The following SPATA6 variants were observed in gnomAD, a reference collection of about 807,000 sequenced individuals.
SPATA6 encodes spermatogenesis-associated protein 6.
Under a neutral mutation model 65.3 loss-of-function variants are expected in SPATA6, and 56 were observed. The observed-to-expected ratio is 0.86, with a 90% CI of 0.69 to 1.07. SPATA6 has a LOEUF of 1.07. Ranked by LOEUF, SPATA6 falls within the 50% of genes least tolerant of loss-of-function variation. The probability of loss-of-function intolerance (pLI) is 0.00; values close to 1 mark genes in which losing one functional copy is unlikely to be tolerated. For missense variants in SPATA6, 590 were observed against 594.8 expected, an observed-to-expected ratio of 0.99 and a Z score of 0.08; for synonymous variants, 199 against 213.2, an observed-to-expected ratio of 0.93 and a Z score of 0.58.
chr1:48,320,533 T>A (rs754662918), intron 11 of SPATA6, among the ~76,000 whole-genome samples: 44 of 152,106 alleles, frequency 2.9e-4, no homozygotes, highest in Admixed American at 1.3e-4. Context: ...TTTCAAACAT[T>A]AAGGAGAAAT....
chr1:48,300,706 T>C (rs191090944), intron 12 of SPATA6, among the ~76,000 whole-genome samples: 30 of 152,174 alleles, frequency 2.0e-4, no homozygotes, highest in Non-Finnish European at 2.8e-4. Flanking sequence ...AAAAAGATCA[T>C]TCACCATGAT....
At chr1:48,319,005 C>G (rs902773780) in intron 11 of SPATA6, among the ~76,000 whole-genome samples, 1 of 152,048 alleles carries the variant, frequency 6.6e-6, no homozygotes, top group African/African-American at 2.4e-5. Context: ...GATGCCAAGA[C>G]AATTCAATGG....
intron 9 of SPATA6, among the ~76,000 whole-genome samples, chr1:48,369,836 G>A (rs967963410): frequency 6.6e-6 from 1 of 152,214 alleles, no homozygotes; most frequent in South Asian, 2.1e-4. Context: ...CGGTACCTCA[G>A]ATGGAAATGC....
chr1:48,400,470 A>C (rs898746993), intron 6 of SPATA6, among the ~76,000 whole-genome samples: 2 of 152,010 alleles, frequency 1.3e-5, no homozygotes, highest in Non-Finnish European at 2.9e-5. Context: ...AAGTAATATA[A>C]TATTTCTTCC....
In SPATA6 at chr1:48,407,916, T is replaced by C. The variant is rs189588584; in HGVS notation, c.405+3548A>G. ...TTGAGTTTATATTACCACATTGGTA[T>C]AATACAGAATTTTAAATTACATTAA... is the stretch of plus-strand genomic sequence containing the variant. On this transcript the variant is annotated intron_variant, in intron 5 of 12. Transcript: ENST00000371847. Among the ~76,000 whole-genome samples, 178 of 152,332 alleles carry C rather than the reference T, an allele frequency of 1.2e-3. 2 individuals are homozygous for C. Among genetic ancestry groups the C allele is most frequent in the Admixed American group, 0.011 (173 of 15,300 alleles).
At chr1:48,458,768 G>T (rs1453300329) in intron 1 of SPATA6, among the ~76,000 whole-genome samples, 1 of 152,154 alleles carries the variant, frequency 6.6e-6, no homozygotes, top group African/African-American at 2.4e-5. Context: ...TTAGATCCAG[G>T]GGCTGGTGGG....
Position 48,469,996 on chromosome 1 carries a change from A to G in SPATA6, c.51+1962T>C, listed in dbSNP as rs1307316433. On this transcript the variant is annotated intron_variant, in intron 1 of 12. Transcript: ENST00000371847. The stretch of plus-strand genomic sequence containing the variant: ...TGGCTGTAAAAAGGGATTGAATCCA[A>G]TGATTTCCATCTAAGATGTCTCGGA... Among the ~76,000 whole-genome samples, 3 of 152,210 alleles carry G rather than the reference A, an allele frequency of 2.0e-5. No homozygotes were observed. In the East Asian group the frequency reaches 5.8e-4, roughly 29 times the overall value.
the SPATA6 span, among the ~76,000 whole-genome samples, chr1:48,282,231 C>G: frequency 2.0e-5 from 3 of 152,124 alleles, no homozygotes; most frequent in East Asian, 1.9e-4. Flanking sequence ...CATAAAAACC[C>G]TAGAAGAAAA....
chr1:48,395,708 G>C (rs536287573), intron 7 of SPATA6, among the ~76,000 whole-genome samples: 2 of 151,836 alleles, frequency 1.3e-5, no homozygotes. Context: ...CTAGCCATTT[G>C]CTTCTTAGCT....
At chr1:48,333,419 C>T (rs1645971034) in intron 11 of SPATA6, among the ~76,000 whole-genome samples, 1 of 152,154 alleles carries the variant, frequency 6.6e-6, no homozygotes, top group Non-Finnish European at 1.5e-5. Flanking sequence ...TCAGAATGAG[C>T]CACTACTGGC....
downstream of SPATA6, among the ~76,000 whole-genome samples, chr1:48,293,708 A>T (rs1644783142): frequency 6.6e-6 from 1 of 152,186 alleles, no homozygotes; most frequent in African/African-American, 2.4e-5. Flanking sequence ...TTACTTCACA[A>T]ACCTTAGTAA....
chr1:48,271,868 C>T, the SPATA6 span, among the ~76,000 whole-genome samples: 1 of 152,118 alleles, frequency 6.6e-6, no homozygotes, highest in South Asian at 2.1e-4. Context: ...ATATGCTAAA[C>T]ATGAGTCAAT....
intron 9 of SPATA6, among the ~76,000 whole-genome samples, chr1:48,382,077 C>T (rs1648699357): frequency 1.2e-5 from 1 of 81,762 alleles, no homozygotes; most frequent in South Asian, 5.4e-4. Flanking sequence ...TAGTACAGAA[C>T]AAAATGAAAA....
Position 48,295,704 on chromosome 1 carries a change from T to C in SPATA6, c.*3009A>G, listed in dbSNP as rs1349929913. ...ATATAGTAAAAACCACTTAATTGTA[T>C]ACTTTTTCAGAGTGAATTATATCTC... On this transcript the variant is annotated 3_prime_UTR_variant, in exon 13 of 13. Coordinates refer to ENST00000371847, the MANE Select transcript of SPATA6 (RefSeq NM_019073.4). 2 of 152,232 alleles carry C rather than the reference T, an allele frequency of 1.3e-5. No homozygotes were observed. The highest frequency in any genetic ancestry group is 6.5e-5 in the Admixed American group (1 of 15,280). The allele number at this position is 152,232 out of a possible 1,614,324, so 9.4% of individuals were successfully genotyped here.
chr1:48,368,910 C>A (rs997983465), intron 9 of SPATA6, among the ~76,000 whole-genome samples: 1 of 152,042 alleles, frequency 6.6e-6, no homozygotes, highest in Non-Finnish European at 1.5e-5. Flanking sequence ...CTGTTTTTTC[C>A]CCATCTTTGT....
intron 3 of SPATA6, chr1:48,436,355 G>A (rs1342133142): frequency 6.2e-7 from 1 of 1,612,192 alleles, no homozygotes; most frequent in East Asian, 2.2e-5. Flanking sequence ...ACTGTTGGCA[G>A]CTGGCTTTGG....
At chr1:48,302,133 G>C (rs1644954189) in intron 12 of SPATA6, among the ~76,000 whole-genome samples, 1 of 152,086 alleles carries the variant, frequency 6.6e-6, no homozygotes, top group Non-Finnish European at 1.5e-5. Context: ...TCAATGATTT[G>C]CCTGGACTGA....
intron 1 of SPATA6, among the ~76,000 whole-genome samples, chr1:48,454,322 G>T (rs1656838776): frequency 6.6e-6 from 1 of 151,938 alleles, no homozygotes; most frequent in African/African-American, 2.4e-5. Flanking sequence ...CTTGACTCAT[G>T]TTCTTTCATC....
At chr1:48,410,819 C>G (rs1652156705) in intron 5 of SPATA6, among the ~76,000 whole-genome samples, 1 of 152,206 alleles carries the variant, frequency 6.6e-6, no homozygotes, top group Non-Finnish European at 1.5e-5. Context: ...CCAATCACCT[C>G]CCACCAGGTC....
Sources: gnomAD v4.1 joint callset for allele counts (sites outside exome capture counted in the v4.1 genomes callset) on GRCh38, gnomAD v4.1.1 for gene constraint, MANE v1.5 for transcripts, NCBI Gene and HGNC (gene_info 2026-07-23, HGNC 2026-07-21) for gene names.